ASCL5: variants seen among roughly 807,000 people sequenced by gnomAD.
ASCL5 encodes the protein achaete-scute family bHLH transcription factor 5.
For synonymous variants in ASCL5, 124 were observed against 131.5 expected, an observed-to-expected ratio of 0.94 and a Z score of 0.39; for missense variants, 262 against 268.9, an observed-to-expected ratio of 0.97 and a Z score of 0.18.
rs1442409249 is a variant in ASCL5 at position 201,114,837 on chromosome 1, G to T, written c.536C>A (p.Ala179Glu). ...PDRPGDGEAR[A>E]PSSLVPESSE... The stretch of plus-strand genomic sequence containing the variant: ...TGACTCCGGCACCAGGGAGGAGGGC[G>T]CCCGGGCCTCGCCGTCGCCAGGGCG... The change falls in exon 2 of 2, where the codon GCG becomes GAG. Residue 179 changes from alanine to glutamate, a missense_variant. Coordinates refer to ENST00000449188, the MANE Select transcript of ASCL5 (RefSeq NM_001270601.2). 2 of 1,228,152 alleles carry T rather than the reference G, an allele frequency of 1.6e-6. No homozygotes were observed. Among genetic ancestry groups the T allele is most frequent in the Non-Finnish European group, 2.0e-6 (2 of 985,850 alleles). The allele number at this position is 1,228,152 out of a possible 1,614,324, so 76.1% of individuals were successfully genotyped here.
At chr1:201,120,066 A>G (rs901412540) in intron 1 of ASCL5, among the ~76,000 whole-genome samples, 1 of 152,230 alleles carries the variant, frequency 6.6e-6, no homozygotes, top group Admixed American at 6.5e-5. Context: ...TGCAAGCTAC[A>G]CTGAGCTGTT....
At chr1:201,126,074 C>T (rs1382463699) in intron 1 of ASCL5, among the ~76,000 whole-genome samples, 1 of 152,162 alleles carries the variant, frequency 6.6e-6, no homozygotes, top group Non-Finnish European at 1.5e-5. Flanking sequence ...TACTAGGCAC[C>T]TTACCATGTG....
At chr1:201,118,638 A>T (rs892821822) in intron 1 of ASCL5, among the ~76,000 whole-genome samples, 67 of 152,330 alleles carry the variant, frequency 4.4e-4, no homozygotes, top group Admixed American at 3.5e-3. Flanking sequence ...CGTGATTTTC[A>T]TTCAGTAAAT....
intron 1 of ASCL5, among the ~76,000 whole-genome samples, chr1:201,125,413 T>G (rs1007258546): frequency 1.3e-5 from 2 of 152,210 alleles, no homozygotes; most frequent in African/African-American, 4.8e-5. Context: ...TTCTCCCCTC[T>G]AGCCCATGTT....
chr1:201,117,368 G>A (rs775973440), intron 1 of ASCL5, among the ~76,000 whole-genome samples: 2 of 152,004 alleles, frequency 1.3e-5, no homozygotes, highest in Non-Finnish European at 2.9e-5. Context: ...CCTGGGAGGT[G>A]GAGGGTGCAG....
At chr1:201,126,704 C>T (rs976159480) in intron 1 of ASCL5, among the ~76,000 whole-genome samples, 2 of 152,178 alleles carry the variant, frequency 1.3e-5, no homozygotes, top group African/African-American at 2.4e-5. Flanking sequence ...GGTGTGAGCC[C>T]GGGCCATCTC....
intron 1 of ASCL5, among the ~76,000 whole-genome samples, chr1:201,120,190 AG>A (rs1429451290): frequency 2.0e-5 from 3 of 152,154 alleles, no homozygotes; most frequent in Non-Finnish European, 4.4e-5. Context: ...TGCACCAGAG[AG>A]GGCGTATTGT....
At position 201,115,569 on chromosome 1, in the gene ASCL5, T is replaced by C; in HGVS notation, c.-197A>G. On this transcript the variant is annotated 5_prime_UTR_variant, in exon 2 of 2. Coordinates refer to ENST00000449188, the MANE Select transcript of ASCL5 (RefSeq NM_001270601.2). Reference sequence around the variant, plus strand: ...CAAGAGCCATCGCCCTAGACAAGTGTGGCCCCTCTCAGGAGGTCGGTGCAC... The same window carrying C: ...CAAGAGCCATCGCCCTAGACAAGTGCGGCCCCTCTCAGGAGGTCGGTGCAC... 5.0e-6 allele frequency: 2 copies of C among 400,644 alleles called. No individual in the cohort carries two copies. The highest frequency in any genetic ancestry group is 8.6e-6 in the Non-Finnish European group (2 of 231,928). 24.8% of individuals were successfully genotyped at this position (400,644 alleles called of 1,614,324 possible).
intron 1 of ASCL5, among the ~76,000 whole-genome samples, chr1:201,118,480 G>A (rs1328618485): frequency 7.2e-6 from 1 of 138,806 alleles, no homozygotes; most frequent in Non-Finnish European, 1.5e-5. Flanking sequence ...GCAAGACCCT[G>A]TCTCAAGAAA....
intron 1 of ASCL5, among the ~76,000 whole-genome samples, chr1:201,120,614 C>G (rs534091163): frequency 6.6e-6 from 1 of 152,284 alleles, no homozygotes; most frequent in African/African-American, 2.4e-5. Context: ...TTGATTGACA[C>G]TGGTGGGAAG....
At position 201,114,630 on chromosome 1, in the gene ASCL5, C is replaced by T; in HGVS notation, c.*122G>A. ...GGGTGTCGCAGACACGGGAGCGCCG[C>T]GGACCTCCTACAGTCACCGTCCTGC... On this transcript the variant is annotated 3_prime_UTR_variant, in exon 2 of 2. Coordinates refer to ENST00000449188, the MANE Select transcript of ASCL5 (RefSeq NM_001270601.2). The T allele has an allele frequency of 4.4e-6, 4 of 906,460 alleles. No individual in the cohort carries two copies. The highest frequency in any genetic ancestry group is 5.8e-6 in the Non-Finnish European group (4 of 694,454). The allele number at this position is 906,460 out of a possible 1,614,324, so 56.2% of individuals were successfully genotyped here.
chr1:201,120,315 A>T (rs1442837631), intron 1 of ASCL5, among the ~76,000 whole-genome samples: 3 of 152,056 alleles, frequency 2.0e-5, no homozygotes, highest in African/African-American at 7.2e-5. Flanking sequence ...AGAGGATCTC[A>T]CTGTCCACAC....
chr1:201,114,995 G>T lies in ASCL5; in HGVS notation c.378C>A (p.Arg126=), dbSNP rs1473238220. Residue 126 remains arginine, a synonymous_variant, in exon 2 of 2, where the codon CGC becomes CGA. Coordinates refer to ENST00000449188, the MANE Select transcript of ASCL5 (RefSeq NM_001270601.2). ...EKRLSKVETL[R]AAIRYIKYLQ... ...GGTACTTTATGTAGCGGATGGCGGC[G>T]CGCAGCGTCTCCACCTTGCTGAGTC... 6.5e-6 allele frequency: 8 copies of T among 1,231,586 alleles called. No homozygotes were observed. In the Admixed American group the frequency reaches 3.0e-4, roughly 45 times the overall value. The allele number at this position is 1,231,586 out of a possible 1,614,324, so 76.3% of individuals were successfully genotyped here. A position where few individuals can be genotyped will look rare whatever the true frequency, so the allele number is the denominator to read the frequency against.
intron 1 of ASCL5, among the ~76,000 whole-genome samples, chr1:201,122,188 G>GC (rs1170201987): frequency 6.6e-6 from 1 of 152,120 alleles, no homozygotes; most frequent in Non-Finnish European, 1.5e-5. Flanking sequence ...CTATCCATGG[G>GC]CCCCAGAGCC....
chr1:201,119,379 A>G lies in ASCL5; in HGVS notation c.-505-3502T>C, dbSNP rs372198739. On this transcript the variant is annotated intron_variant, in intron 1 of 1. Coordinates refer to ENST00000449188, the MANE Select transcript of ASCL5 (RefSeq NM_001270601.2). Reference sequence around the variant, plus strand: ...GGGAACCTACTCATCGGCTAAGTTCATGGGACTGGGCAGAACCAGCTATCA... The same window carrying G: ...GGGAACCTACTCATCGGCTAAGTTCGTGGGACTGGGCAGAACCAGCTATCA... Among the ~76,000 whole-genome samples the G allele has an allele frequency of 2.6e-5, 4 of 152,198 alleles. No homozygotes were observed. The South Asian group carries it at 6.2e-4, about 24-fold the overall frequency.
Position 201,115,399 on chromosome 1 carries a change from C to A in ASCL5, c.-27G>T. The A allele has an allele frequency of 8.1e-7, 1 of 1,231,432 alleles. No individual in the cohort carries two copies. Among genetic ancestry groups the A allele is most frequent in the Non-Finnish European group, 1.0e-6 (1 of 987,776 alleles). The allele number at this position is 1,231,432 out of a possible 1,614,324, so 76.3% of individuals were successfully genotyped here. On this transcript the variant is annotated 5_prime_UTR_variant, in exon 2 of 2. Transcript: ENST00000449188. The stretch of plus-strand genomic sequence containing the variant: ...GTGCCGCGTGGAGCTGGACCCAGAG[C>A]GAGGCCTCCACCGAATGGCCCCGGC...
rs927772310 is a variant in ASCL5 at position 201,115,271 on chromosome 1, C to G, written c.102G>C (p.Leu34=). 1 of 1,231,336 alleles carries G rather than the reference C, an allele frequency of 8.1e-7. No homozygotes were observed. Among genetic ancestry groups the G allele is most frequent in the African/African-American group, 1.6e-5 (1 of 64,492 alleles). The allele number at this position is 1,231,336 out of a possible 1,614,324, so 76.3% of individuals were successfully genotyped here. A position where few individuals can be genotyped will look rare whatever the true frequency, so the allele number is the denominator to read the frequency against. ...GVMPPPRQAP[L]PPAEPLGNVP... is the part of the protein sequence containing the mutation. ...CGTTGCCCAGGGGCTCGGCGGGGGGCAGGGGCGCCTGCCGGGGAGGGGGCA... is the reference window on the plus strand; with the variant it reads ...CGTTGCCCAGGGGCTCGGCGGGGGGGAGGGGCGCCTGCCGGGGAGGGGGCA... Residue 34 remains leucine (L), a synonymous_variant, in exon 2 of 2, where the codon CTG becomes CTC. Coordinates refer to ENST00000449188, the MANE Select transcript of ASCL5 (RefSeq NM_001270601.2).
intron 1 of ASCL5, among the ~76,000 whole-genome samples, chr1:201,116,613 G>A (rs1257987885): frequency 1.3e-5 from 2 of 152,182 alleles, no homozygotes; most frequent in Admixed American, 1.3e-4. Flanking sequence ...GGTTTGTCAG[G>A]GTGGGACTGA....
rs1056691807 is a variant in ASCL5 at position 201,115,207 on chromosome 1, AG to A, written c.165del (p.Tyr56ThrfsTer77). The A allele has an allele frequency of 4.9e-5, 60 of 1,231,258 alleles. No individual in the cohort carries two copies. The highest frequency in any genetic ancestry group is 5.7e-5 in the Non-Finnish European group (56 of 987,808). 76.3% of individuals were successfully genotyped at this position (1,231,258 alleles called of 1,614,324 possible). ...AACACCCCCGCATAGGCGTCGTAGT[AG>A]GGCGGCTCTGCTGGGCCCGGGTACA... is the stretch of plus-strand genomic sequence containing the variant. ...FLLYPGPAEPPYYDAYAGVFP... is the reference protein window; with the variant it reads ...FLLYPGPAEPXYYDAYAGVFP... On this transcript the variant is annotated frameshift_variant, in exon 2 of 2. Transcript: ENST00000449188. LOFTEE classifies it low-confidence loss of function (END_TRUNC).
Sources: allele counts gnomAD v4.1 joint callset (sites outside exome capture counted in the v4.1 genomes callset), GRCh38; gene constraint gnomAD v4.1.1; transcripts MANE v1.5; gene names NCBI Gene and HGNC (gene_info 2026-07-23, HGNC 2026-07-21).